Variants in PDXDC1 observed in about 807,000 individuals in gnomAD.
The protein encoded by PDXDC1 is pyridoxal-dependent decarboxylase domain-containing protein 1.
Under a neutral mutation model 100.1 loss-of-function variants are expected in PDXDC1, and 42 were observed. That is an observed-to-expected ratio of 0.42 (90% CI 0.33 to 0.54). The LOEUF is 0.54. Ranked by LOEUF, PDXDC1 falls within the 20% of genes least tolerant of loss-of-function variation. The pLI is 0.10. For synonymous variants in PDXDC1, 260 were observed against 371.7 expected, an observed-to-expected ratio of 0.70 and a Z score of 3.46; for missense variants, 636 against 979.2, an observed-to-expected ratio of 0.65 and a Z score of 4.68.
At chr16:15,140,114 A>AAG (rs1555485492), downstream of PDXDC1, among the ~76,000 whole-genome samples, 4 of 148,466 alleles carry the variant, frequency 2.7e-5, no homozygotes, top group African/African-American at 7.4e-5. Context: ...AAAAAAAAAA[A>AAG]AAAAGAAAAG....
intron 16 of PDXDC1, among the ~76,000 whole-genome samples, chr16:15,085,452 T>C (rs1298672782): frequency 2.0e-5 from 3 of 152,184 alleles, no homozygotes; most frequent in Non-Finnish European, 2.9e-5. Flanking sequence ...TGCCTAGTTC[T>C]ACTTTAAGCC....
chr16:15,073,140 C>T, intron 16 of PDXDC1: 2 of 1,560,246 alleles, frequency 1.3e-6, no homozygotes, highest in Admixed American at 3.7e-5. Flanking sequence ...TTTCATCTGC[C>T]ATATTTTTTA....
chr16:15,135,686 G>A (rs1000091517), intron 16 of PDXDC1: 38 of 1,594,820 alleles, frequency 2.4e-5, no homozygotes, highest in African/African-American at 5.4e-5. Context: ...GAAACTGAGC[G>A]GCGTCTGGTC....
At chr16:15,056,040 G>GCCGCCCCCGCCC (rs959444079) in intron 16 of PDXDC1, 107 of 676,956 alleles carry the variant, frequency 1.6e-4, no homozygotes, top group Admixed American at 5.5e-5. Flanking sequence ...CGGGCCGCCC[G>GCCGCCCCCGCCC]CCGCCCCCGC....
chr16:15,080,485 C>T (rs576162355), intron 16 of PDXDC1, among the ~76,000 whole-genome samples: 3 of 152,250 alleles, frequency 2.0e-5, no homozygotes, highest in African/African-American at 4.8e-5. Context: ...CTCAGGATGG[C>T]GTACAGTGGT....
chr16:14,995,288 T>C (rs1277843010), intron 1 of PDXDC1, among the ~76,000 whole-genome samples: 1 of 152,288 alleles, frequency 6.6e-6, no homozygotes, highest in Non-Finnish European at 1.5e-5. Flanking sequence ...TTGTCATAGA[T>C]AGCTCTTATT....
At chr16:15,055,974 CGGAGGCGGCCGCCCAGGCAGGCCCAG>C in intron 16 of PDXDC1, 1 of 1,220,242 alleles carries the variant, frequency 8.2e-7, no homozygotes, top group Non-Finnish European at 1.0e-6. Flanking sequence ...AGCGGCATCG[CGGAGGCGGCCGCCCAGGCAGGCCCAG>C]GGAGGCGGCG....
chr16:15,140,263 G>A (rs572783448), downstream of PDXDC1, among the ~76,000 whole-genome samples: 7 of 151,156 alleles, frequency 4.6e-5, no homozygotes, highest in South Asian at 1.0e-3. Context: ...TGACCAACAC[G>A]GAGACACCCT....
intron 16 of PDXDC1, among the ~76,000 whole-genome samples, chr16:15,066,768 C>T (rs2044995648): frequency 6.6e-6 from 1 of 151,294 alleles, no homozygotes; most frequent in Non-Finnish European, 1.5e-5. Flanking sequence ...ATCTCAAAAG[C>T]ATCAAGCAGG....
intron 1 of PDXDC1, among the ~76,000 whole-genome samples, chr16:14,992,500 C>T (rs925675436): frequency 2.0e-5 from 3 of 152,272 alleles, no homozygotes; most frequent in Non-Finnish European, 4.4e-5. Context: ...AAGATAAATT[C>T]TCTTGACCAT....
At position 15,037,892 on chromosome 16, in the gene PDXDC1, G is replaced by T; in HGVS notation, c.*1617G>T. The T allele has an allele frequency of 1.7e-6, 1 of 577,194 alleles. No homozygotes were observed. The allele number at this position is 577,194 out of a possible 1,614,324, so 35.8% of individuals were successfully genotyped here. A position where few individuals can be genotyped will look rare whatever the true frequency, so the allele number is the denominator to read the frequency against. ...TAAGGTTTTATTTTGAAAGTCATTT[G>T]ATGAAAGTCATTTGAAAGACACTGA... On this transcript the variant is annotated 3_prime_UTR_variant, in exon 23 of 23. Transcript: ENST00000396410.
intron 8 of PDXDC1, among the ~76,000 whole-genome samples, chr16:15,013,874 CAAA>C (rs58185654): frequency 7.4e-6 from 1 of 135,960 alleles, no homozygotes; most frequent in African/African-American, 2.8e-5. Flanking sequence ...GTCTCTGTCT[CAAA>C]AAAAAAAAAA....
intron 16 of PDXDC1, chr16:15,092,512 T>A (rs1397061636): frequency 6.2e-7 from 1 of 1,605,588 alleles, no homozygotes. Context: ...CCCTTACCTT[T>A]TTGTACTTCA....
intron 16 of PDXDC1, chr16:15,086,027 A>G: frequency 6.6e-6 from 6 of 906,574 alleles, no homozygotes; most frequent in Non-Finnish European, 1.0e-5. Flanking sequence ...GCCAATATGC[A>G]TCTGGAATCT....
intron 9 of PDXDC1, among the ~76,000 whole-genome samples, 172 bp from the exon 10 acceptor site, chr16:15,016,948 G>T (rs2041837759): frequency 6.6e-6 from 1 of 152,288 alleles, no homozygotes; most frequent in Non-Finnish European, 1.5e-5. Flanking sequence ...GCATTTTCAG[G>T]ATTTTCCTTC....
chr16:15,112,154 A>C (rs1228363117), intron 16 of PDXDC1, among the ~76,000 whole-genome samples: 3 of 148,582 alleles, frequency 2.0e-5, no homozygotes, highest in Non-Finnish European at 4.5e-5. Context: ...TTCTCATCAT[A>C]GCTAAAATGC....
chr16:15,026,219 A>ATAGC, intron 13 of PDXDC1: 1 of 192,702 alleles, frequency 5.2e-6, no homozygotes. Context: ...CCTGGACAAC[A>ATAGC]TAGCAAGACC....
intron 16 of PDXDC1, chr16:15,076,782 C>G (rs1335646573): frequency 7.5e-5 from 49 of 649,878 alleles, no homozygotes; most frequent in Admixed American, 4.4e-4. Flanking sequence ...CACCCCAACA[C>G]AATACACAAT....
chr16:15,061,930 G>T, intron 16 of PDXDC1: 1 of 1,597,062 alleles, frequency 6.3e-7, no homozygotes, highest in Non-Finnish European at 8.6e-7. Flanking sequence ...GAAATCATCA[G>T]TAACATCACC....
Sources: gnomAD v4.1 joint callset for allele counts (sites outside exome capture counted in the v4.1 genomes callset) on GRCh38, gnomAD v4.1.1 for gene constraint, MANE v1.5 for transcripts, NCBI Gene and HGNC (gene_info 2026-07-23, HGNC 2026-07-21) for gene names.